The following HCN1 variants were observed in gnomAD, a reference collection of about 807,000 sequenced individuals.
The protein encoded by HCN1 is potassium/sodium hyperpolarization-activated cyclic nucleotide-gated channel 1.
Under a neutral mutation model 78.9 loss-of-function variants are expected in HCN1, and 13 were observed. That is an observed-to-expected ratio of 0.16 (90% confidence interval 0.11 to 0.26). The LOEUF (loss-of-function observed/expected upper bound fraction) is 0.26, where lower values mean the gene tolerates loss of function less well. HCN1 is among the 10% of genes least tolerant of loss of function. The probability of loss-of-function intolerance (pLI) is 1.00; values close to 1 mark genes in which losing one functional copy is unlikely to be tolerated. For synonymous variants in HCN1, 552 were observed against 455.5 expected, an observed-to-expected ratio of 1.21 and a Z score of -2.70; for missense variants, 810 against 1,154.3, an observed-to-expected ratio of 0.70 and a Z score of 4.32.
chr5:45,471,252 GGAT>G (rs1312419431), intron 2 of HCN1, among the ~76,000 whole-genome samples: 1 of 151,654 alleles, frequency 6.6e-6, no homozygotes, highest in Admixed American at 6.6e-5. Context: ...GGCAAGAAAT[GGAT>G]GATGATTCAT....
chr5:45,470,234 CAG>C (rs1469367437), intron 2 of HCN1, among the ~76,000 whole-genome samples: 1 of 151,914 alleles, frequency 6.6e-6, no homozygotes, highest in East Asian at 1.9e-4. Flanking sequence ...CTGGAAGAAA[CAG>C]AGGTGTTGGT....
At chr5:45,336,316 T>C (rs750150759) in intron 5 of HCN1, among the ~76,000 whole-genome samples, 1 of 152,072 alleles carries the variant, frequency 6.6e-6, no homozygotes, top group Non-Finnish European at 1.5e-5. Flanking sequence ...AAATGCTATG[T>C]TTTGGGGTAA....
chr5:45,459,319 C>G (rs937710766), intron 3 of HCN1, among the ~76,000 whole-genome samples: 3 of 151,260 alleles, frequency 2.0e-5, no homozygotes, highest in Non-Finnish European at 4.4e-5. Flanking sequence ...GTTTCCTTCT[C>G]TCTACATTCG....
chr5:45,371,258 C>T (rs1004266947), intron 4 of HCN1, among the ~76,000 whole-genome samples: 2 of 151,864 alleles, frequency 1.3e-5, no homozygotes, highest in Non-Finnish European at 2.9e-5. Context: ...AGCTAGCAGA[C>T]AGGAAATAAC....
chr5:45,326,890 T>C (rs1022672905), intron 5 of HCN1, among the ~76,000 whole-genome samples: 1 of 151,672 alleles, frequency 6.6e-6, no homozygotes, highest in African/African-American at 2.4e-5. Flanking sequence ...GACATACTGT[T>C]CTGTTAAGGT....
intron 5 of HCN1, among the ~76,000 whole-genome samples, chr5:45,306,930 T>C (rs1056679347): frequency 6.6e-6 from 1 of 152,092 alleles, no homozygotes; most frequent in Non-Finnish European, 1.5e-5. Context: ...ATGTTGGCAC[T>C]TTAAAAAATG....
intron 5 of HCN1, among the ~76,000 whole-genome samples, chr5:45,315,790 A>G (rs1038656815): frequency 1.3e-5 from 2 of 152,206 alleles, no homozygotes; most frequent in African/African-American, 4.8e-5. Context: ...AAACACCTCT[A>G]TGCAAATAAA....
At chr5:45,566,292 T>C (rs976732962) in intron 2 of HCN1, among the ~76,000 whole-genome samples, 3 of 152,192 alleles carry the variant, frequency 2.0e-5, no homozygotes, top group Non-Finnish European at 2.9e-5. Context: ...TTAGGAAAGG[T>C]ATTTTATTTA....
chr5:45,603,477 A>G (rs532518869), intron 2 of HCN1, among the ~76,000 whole-genome samples: 17 of 152,224 alleles, frequency 1.1e-4, no homozygotes, highest in African/African-American at 3.8e-4. Context: ...TGAATATTGG[A>G]TGAAAGTGGA....
chr5:45,544,451 T>A (rs888204933), intron 2 of HCN1, among the ~76,000 whole-genome samples: 2 of 152,124 alleles, frequency 1.3e-5, no homozygotes, highest in African/African-American at 4.8e-5. Context: ...TTCTGAATTT[T>A]TTTTTAATTA....
chr5:45,354,526 T>G (rs531672362), intron 4 of HCN1, among the ~76,000 whole-genome samples: 7 of 152,200 alleles, frequency 4.6e-5, no homozygotes, highest in Admixed American at 3.9e-4. Context: ...TTGCCCATAA[T>G]TATTGTAATT....
chr5:45,688,110 T>C (rs1334193074), intron 1 of HCN1, among the ~76,000 whole-genome samples: 1 of 152,192 alleles, frequency 6.6e-6, no homozygotes, highest in Non-Finnish European at 1.5e-5. Context: ...CAAATGTTCT[T>C]GAGATCTATA....
intron 2 of HCN1, among the ~76,000 whole-genome samples, chr5:45,638,093 T>C (rs764917919): frequency 3.9e-4 from 59 of 152,080 alleles, no homozygotes; most frequent in Non-Finnish European, 6.9e-4. Flanking sequence ...AATTGGGAAG[T>C]AGTAGAATCA....
At chr5:45,658,301 G>C (rs1028789155) in intron 1 of HCN1, among the ~76,000 whole-genome samples, 1 of 152,170 alleles carries the variant, frequency 6.6e-6, no homozygotes, top group African/African-American at 2.4e-5. Flanking sequence ...GAAAACCTAG[G>C]CATTACCATT....
intron 2 of HCN1, among the ~76,000 whole-genome samples, chr5:45,612,297 T>G (rs991079858): frequency 2.0e-5 from 3 of 152,226 alleles, no homozygotes; most frequent in Non-Finnish European, 4.4e-5. Flanking sequence ...GCAATTATTA[T>G]CTGTATCATT....
At chr5:45,531,002 C>T (rs990691256) in intron 2 of HCN1, among the ~76,000 whole-genome samples, 4 of 151,094 alleles carry the variant, frequency 2.6e-5, no homozygotes, top group African/African-American at 7.3e-5. Context: ...ATATAAATGC[C>T]AAGAAATATG....
intron 1 of HCN1, among the ~76,000 whole-genome samples, chr5:45,681,400 A>C (rs969646474): frequency 2.6e-5 from 4 of 152,008 alleles, no homozygotes; most frequent in Admixed American, 6.6e-5. Context: ...TTTCAGACTC[A>C]AGTTCTTTTT....
At position 45,312,939 on chromosome 5, in the gene HCN1, G is replaced by T. The variant is rs1230175133; in HGVS notation, c.1378-9100C>A. On this transcript the variant is annotated intron_variant, in intron 5 of 7. Coordinates refer to ENST00000303230, the MANE Select transcript of HCN1 (RefSeq NM_021072.4). Reference sequence around the variant, plus strand: ...TGCCTCTGTAGACTCCACCTCTGGGGGCAGGGCATAGCTGAACAAAAGGCA... The same window carrying T: ...TGCCTCTGTAGACTCCACCTCTGGGTGCAGGGCATAGCTGAACAAAAGGCA... Among the ~76,000 whole-genome samples, 5 of 152,150 alleles carry T rather than the reference G, an allele frequency of 3.3e-5. No homozygotes were observed. The East Asian group carries it at 7.7e-4, about 24-fold the overall frequency.
intron 2 of HCN1, among the ~76,000 whole-genome samples, chr5:45,584,003 C>T (rs1744144440): frequency 6.6e-6 from 1 of 152,142 alleles, no homozygotes; most frequent in Non-Finnish European, 1.5e-5. Context: ...AATGTATATT[C>T]TGTTGATTTG....
Sources: allele counts gnomAD v4.1 joint callset (sites outside exome capture counted in the v4.1 genomes callset), GRCh38; gene constraint gnomAD v4.1.1; transcripts MANE v1.5; gene names NCBI Gene and HGNC (gene_info 2026-07-23, HGNC 2026-07-21).